Variants in DLGAP1 observed in about 807,000 individuals in gnomAD.
DLGAP1 encodes DLG associated protein 1.
Under a neutral mutation model 90.8 loss-of-function variants are expected in DLGAP1, and 11 were observed. That is an observed-to-expected ratio of 0.12 (90% CI 0.08 to 0.20). The LOEUF (loss-of-function observed/expected upper bound fraction) is 0.20. Ranked by LOEUF, DLGAP1 falls within the 10% of genes least tolerant of loss-of-function variation. DLGAP1 has a pLI of 1.00. For synonymous variants in DLGAP1, 558 were observed against 540.7 expected, an observed-to-expected ratio of 1.03 and a Z score of -0.44; for missense variants, 1,050 against 1,333.8, an observed-to-expected ratio of 0.79 and a Z score of 3.31.
At chr18:4,283,369 T>C (rs2079600928) in intron 1 of DLGAP1, among the ~76,000 whole-genome samples, 1 of 152,212 alleles carries the variant, frequency 6.6e-6, no homozygotes, top group Non-Finnish European at 1.5e-5. Context: ...TTTGAATATT[T>C]TAGGCAATAT....
At chr18:3,845,317 T>A (rs747924541) in intron 4 of DLGAP1, 1 of 1,599,246 alleles carries the variant, frequency 6.3e-7, no homozygotes, top group South Asian at 1.1e-5. Context: ...ATAGTGCAGC[T>A]GAGAGCATTT....
At chr18:4,340,496 A>G (rs954150329) in intron 1 of DLGAP1, among the ~76,000 whole-genome samples, 1 of 152,158 alleles carries the variant, frequency 6.6e-6, no homozygotes, top group African/African-American at 2.4e-5. Flanking sequence ...ATTGCTGTAC[A>G]CTCTTAGTAA....
chr18:3,866,613 C>A (rs1444487043), intron 4 of DLGAP1, among the ~76,000 whole-genome samples: 13 of 152,174 alleles, frequency 8.5e-5, no homozygotes, highest in African/African-American at 2.9e-4. Context: ...ACAAAATGCA[C>A]TGGGCTAAGT....
Position 3,543,560 on chromosome 18 carries a change from A to C in DLGAP1, c.2058-8945T>G, listed in dbSNP as rs187971336. On this transcript the variant is annotated intron_variant, in intron 9 of 12. Transcript: ENST00000315677. ...CTTGCCTTACTTACATATAGGCCAG[A>C]TAAAACCTATATGGACGACTTCTGT... Among the ~76,000 whole-genome samples, 13 of 152,366 alleles carry C rather than the reference A, an allele frequency of 8.5e-5. No homozygotes were observed. The East Asian group carries it at 2.3e-3, about 27-fold the overall frequency.
rs10578078 is a variant in DLGAP1 at position 4,072,298 on chromosome 18, CT to C, written c.-158-67098del. Reference sequence around the variant, plus strand: ...TCTGACTTCACTGGTAATGATGAAACTTTTTTTTTTTTCATAGATTGAGATT... The same window carrying C: ...TCTGACTTCACTGGTAATGATGAAACTTTTTTTTTTTCATAGATTGAGATT... On this transcript the variant is annotated intron_variant, in intron 2 of 12. Coordinates refer to ENST00000315677, the MANE Select transcript of DLGAP1 (RefSeq NM_004746.4). 3.3e-4 allele frequency among the ~76,000 whole-genome samples: 50 copies of C among 150,936 alleles called. 1 individual carries two copies. The highest frequency in any genetic ancestry group is 6.8e-4 in the African/African-American group (28 of 41,080).
chr18:3,674,275 A>C (rs2060204304), intron 7 of DLGAP1, among the ~76,000 whole-genome samples: 2 of 131,864 alleles, frequency 1.5e-5, no homozygotes, highest in Admixed American at 1.5e-4. Flanking sequence ...ACAGAGTGAG[A>C]TCTTGTCTCT....
intron 3 of DLGAP1, among the ~76,000 whole-genome samples, chr18:4,000,537 T>C (rs893954595): frequency 1.3e-5 from 2 of 152,226 alleles, no homozygotes; most frequent in African/African-American, 4.8e-5. Flanking sequence ...AGTTCTATTG[T>C]CGATGATTCT....
chr18:4,134,361 T>C (rs1043598649), intron 2 of DLGAP1, among the ~76,000 whole-genome samples: 1 of 152,138 alleles, frequency 6.6e-6, no homozygotes, highest in Non-Finnish European at 1.5e-5. Context: ...TGGTTAATCT[T>C]ACTCTTAAGA....
Position 3,860,023 on chromosome 18 carries a change from T to C in DLGAP1, c.957+19089A>G, listed in dbSNP as rs371981833. Among the ~76,000 whole-genome samples, 1,424 of 151,462 alleles carry C rather than the reference T, an allele frequency of 9.4e-3. 56 individuals carry two copies. Among genetic ancestry groups the C allele is most frequent in the East Asian group, 0.069 (354 of 5,130 alleles). On this transcript the variant is annotated intron_variant, in intron 4 of 12. Transcript: ENST00000315677. ...CTGAGGCAGGAGAATGGCGTGAACC[T>C]GGGAGGTGGAGCTTGCAGTGAGCCG...
At chr18:3,900,360 C>G (rs566831047) in intron 3 of DLGAP1, among the ~76,000 whole-genome samples, 37 of 152,228 alleles carry the variant, frequency 2.4e-4, no homozygotes, top group Non-Finnish European at 5.0e-4. Context: ...TCTCCACTTT[C>G]CAGCACAGAT....
At chr18:3,564,187 T>A (rs2054305685) in intron 9 of DLGAP1, among the ~76,000 whole-genome samples, 1 of 152,246 alleles carries the variant, frequency 6.6e-6, no homozygotes, top group South Asian at 2.1e-4. Context: ...AATTGGCATT[T>A]AGTAATGTAC....
intron 3 of DLGAP1, among the ~76,000 whole-genome samples, chr18:3,931,200 T>A (rs2072508243): frequency 6.6e-6 from 1 of 152,164 alleles, no homozygotes; most frequent in Non-Finnish European, 1.5e-5. Flanking sequence ...TCACTGGCTG[T>A]CATTGCCTTT....
At position 3,677,560 on chromosome 18, in the gene DLGAP1, C is replaced by A. The variant is rs181673143; in HGVS notation, c.1591+51575G>T. 6.3e-4 allele frequency among the ~76,000 whole-genome samples: 96 copies of A among 152,362 alleles called. 1 individual carries two copies. The highest frequency in any genetic ancestry group is 2.1e-3 in the African/African-American group (88 of 41,594). ...TTCTAGGAATTTAATCCAGAATTCT[C>A]AGCTAAATAGACAGAGATCCATGTT... On this transcript the variant is annotated intron_variant, in intron 7 of 12. Coordinates refer to ENST00000315677, the MANE Select transcript of DLGAP1 (RefSeq NM_004746.4).
chr18:4,243,817 A>T (rs373844993), intron 1 of DLGAP1, among the ~76,000 whole-genome samples: 20 of 152,176 alleles, frequency 1.3e-4, no homozygotes, highest in Non-Finnish European at 2.5e-4. Context: ...AAACCCGCTT[A>T]TCTTTTTTTT....
chr18:4,142,620 C>T lies in DLGAP1; in HGVS notation c.-159+8560G>A, dbSNP rs114903527. Among the ~76,000 whole-genome samples the T allele has an allele frequency of 2.8e-3, 427 of 152,192 alleles. 6 individuals carry two copies. The highest frequency in any genetic ancestry group is 9.9e-3 in the African/African-American group (411 of 41,528). On this transcript the variant is annotated intron_variant, in intron 2 of 12. Transcript: ENST00000315677. ...TATTTCTGACATAAAAAGTATAGAACGGCAAAATAGTTAAGATTTATCTCA... is the reference window on the plus strand; with the variant it reads ...TATTTCTGACATAAAAAGTATAGAATGGCAAAATAGTTAAGATTTATCTCA...
At chr18:4,157,402 C>G (rs1057205422) in intron 1 of DLGAP1, among the ~76,000 whole-genome samples, 1 of 152,172 alleles carries the variant, frequency 6.6e-6, no homozygotes, top group Non-Finnish European at 1.5e-5. Flanking sequence ...TGACTTTCCA[C>G]GTGTCTGAGA....
intron 9 of DLGAP1, among the ~76,000 whole-genome samples, chr18:3,550,203 C>T (rs1454476873): frequency 6.6e-6 from 1 of 151,922 alleles, no homozygotes; most frequent in Non-Finnish European, 1.5e-5. Flanking sequence ...TGAGCCACCA[C>T]GCCCGGCCAG....
chr18:3,910,536 C>G (rs2072009209), intron 3 of DLGAP1, among the ~76,000 whole-genome samples: 1 of 152,128 alleles, frequency 6.6e-6, no homozygotes, highest in African/African-American at 2.4e-5. Flanking sequence ...TAGGACAAAA[C>G]AGAAACATTT....
At chr18:4,102,891 T>C (rs2075802695) in intron 2 of DLGAP1, among the ~76,000 whole-genome samples, 1 of 152,234 alleles carries the variant, frequency 6.6e-6, no homozygotes, top group South Asian at 2.1e-4. Context: ...AGAGAAACTT[T>C]ATTACTCAGT....
Sources: gnomAD v4.1 joint callset for allele counts (sites outside exome capture counted in the v4.1 genomes callset) on GRCh38, gnomAD v4.1.1 for gene constraint, MANE v1.5 for transcripts, NCBI Gene and HGNC (gene_info 2026-07-23, HGNC 2026-07-21) for gene names.